The following RASAL2 variants were observed in gnomAD, a reference collection of about 807,000 sequenced individuals.
RASAL2 encodes the protein ras GTPase-activating protein nGAP.
A neutral mutation model predicts 128.9 loss-of-function variants in RASAL2; 58 were observed. That is an observed-to-expected ratio of 0.45 (90% CI 0.36 to 0.56). The LOEUF is 0.56. RASAL2 is among the 20% of genes least tolerant of loss of function. The pLI, the probability that RASAL2 is intolerant of heterozygous loss-of-function variation, is 0.00. For synonymous variants in RASAL2, 561 were observed against 580.8 expected, an observed-to-expected ratio of 0.97 and a Z score of 0.49; for missense variants, 1,360 against 1,601.6, an observed-to-expected ratio of 0.85 and a Z score of 2.57.
intron 4 of RASAL2, among the ~76,000 whole-genome samples, chr1:178,394,412 T>C (rs187591307): frequency 1.3e-4 from 20 of 152,346 alleles, no homozygotes; most frequent in Admixed American, 1.3e-3. Flanking sequence ...AATGATTATG[T>C]CTTGTAATTG....
chr1:178,375,904 A>G (rs1419611578), intron 3 of RASAL2, among the ~76,000 whole-genome samples: 1 of 152,170 alleles, frequency 6.6e-6, no homozygotes, highest in Non-Finnish European at 1.5e-5. Flanking sequence ...GTAATTGGAA[A>G]TGAAGTCACA....
chr1:178,303,667 A>G (rs1667866277), intron 3 of RASAL2, among the ~76,000 whole-genome samples: 1 of 152,132 alleles, frequency 6.6e-6, no homozygotes, highest in Non-Finnish European at 1.5e-5. Flanking sequence ...AATTCTGTCA[A>G]TCAGTACATC....
chr1:178,173,045 GTGTGGT>G (rs543829414), intron 1 of RASAL2, among the ~76,000 whole-genome samples: 2 of 152,228 alleles, frequency 1.3e-5, no homozygotes, highest in African/African-American at 4.8e-5. Context: ...CTATGTGCAT[GTGTGGT>G]TGGACGTTTG....
intron 3 of RASAL2, among the ~76,000 whole-genome samples, chr1:178,306,282 T>G (rs1459248726): frequency 1.3e-5 from 2 of 152,174 alleles, no homozygotes; most frequent in African/African-American, 2.4e-5. Context: ...CACATTTTCT[T>G]AATCCAGTCT....
At chr1:178,113,037 T>G (rs992877073) in intron 1 of RASAL2, among the ~76,000 whole-genome samples, 2 of 152,220 alleles carry the variant, frequency 1.3e-5, no homozygotes, top group African/African-American at 4.8e-5. Context: ...TATTTTTGTG[T>G]GTGGTAAAGA....
At chr1:178,187,484 A>C (rs1472163058) in intron 1 of RASAL2, among the ~76,000 whole-genome samples, 1 of 152,164 alleles carries the variant, frequency 6.6e-6, no homozygotes, top group Non-Finnish European at 1.5e-5. Context: ...CTGTCATTTC[A>C]GTAGGTATTG....
At chr1:178,195,574 A>G (rs892260695) in intron 1 of RASAL2, among the ~76,000 whole-genome samples, 4 of 152,168 alleles carry the variant, frequency 2.6e-5, no homozygotes, top group African/African-American at 9.7e-5. Flanking sequence ...TACCTCGTAG[A>G]GTGCTGTGAG....
At chr1:178,227,075 C>T (rs1663818077) in intron 1 of RASAL2, among the ~76,000 whole-genome samples, 1 of 152,168 alleles carries the variant, frequency 6.6e-6, no homozygotes, top group South Asian at 2.1e-4. Flanking sequence ...CATACCTGCC[C>T]ACCTGTGGTG....
intron 1 of RASAL2, among the ~76,000 whole-genome samples, chr1:178,145,048 GT>G (rs1660672011): frequency 6.6e-6 from 1 of 152,132 alleles, no homozygotes; most frequent in Non-Finnish European, 1.5e-5. Context: ...AATGAATGCT[GT>G]TGTTTTTTCA....
chr1:178,172,918 C>A (rs1661751887), intron 1 of RASAL2, among the ~76,000 whole-genome samples: 1 of 152,074 alleles, frequency 6.6e-6, no homozygotes. Context: ...CATCTATTTA[C>A]CTGGTAATTG....
At chr1:178,425,872 G>A (rs943068580) in intron 5 of RASAL2, among the ~76,000 whole-genome samples, 2 of 152,084 alleles carry the variant, frequency 1.3e-5, no homozygotes, top group Middle Eastern at 3.2e-3. Flanking sequence ...ATATATTGGT[G>A]GGCCCAATAA....
At chr1:178,210,107 T>A (rs2101983564) in intron 1 of RASAL2, among the ~76,000 whole-genome samples, 1 of 152,256 alleles carries the variant, frequency 6.6e-6, no homozygotes, top group Admixed American at 6.5e-5. Context: ...CATGTTTTTG[T>A]CTTTTCATGC....
chr1:178,160,517 C>T (rs1246482419), intron 1 of RASAL2, among the ~76,000 whole-genome samples: 1 of 152,118 alleles, frequency 6.6e-6, no homozygotes, highest in African/African-American at 2.4e-5. Context: ...TGTCTGTAAT[C>T]CCAGCTACTT....
chr1:178,371,011 A>G (rs529494248), intron 3 of RASAL2, among the ~76,000 whole-genome samples: 33 of 152,122 alleles, frequency 2.2e-4, no homozygotes, highest in Admixed American at 1.1e-3. Context: ...AAAAAGCTCT[A>G]TCTTTTATTA....
chr1:178,261,192 AT>A (rs1665677596), intron 1 of RASAL2, among the ~76,000 whole-genome samples: 1 of 152,200 alleles, frequency 6.6e-6, no homozygotes, highest in Non-Finnish European at 1.5e-5. Context: ...TGATTAAAAT[AT>A]TTATCTCCTA....
Position 178,471,818 on chromosome 1 carries a change from G to A in RASAL2, c.3679-1257G>A, listed in dbSNP as rs774840191. Among the ~76,000 whole-genome samples, 152 of 152,242 alleles carry A rather than the reference G, an allele frequency of 1.0e-3. 1 individual carries two copies. Among genetic ancestry groups the A allele is most frequent in the Admixed American group, 1.8e-3 (27 of 15,288 alleles). On this transcript the variant is annotated intron_variant, in intron 17 of 17. Coordinates refer to ENST00000367649, the MANE Select transcript of RASAL2 (RefSeq NM_170692.4). ...CCAGTAGCATGTGTCCCAAAGTGTA[G>A]CACTACATGACAGCCCTGGGTAGCT...
intron 1 of RASAL2, among the ~76,000 whole-genome samples, chr1:178,188,552 AT>A (rs1247572796): frequency 6.6e-6 from 1 of 152,176 alleles, no homozygotes; most frequent in Non-Finnish European, 1.5e-5. Context: ...TGGCAGTTTC[AT>A]TTTTAGTACG....
At chr1:178,443,307 A>T in intron 8 of RASAL2, 78 bp downstream of exon 8, 5 of 1,304,942 alleles carry the variant, frequency 3.8e-6, no homozygotes, top group Non-Finnish European at 5.2e-6. Context: ...TATTGTAGAA[A>T]TCCAAATTAG....
intron 1 of RASAL2, among the ~76,000 whole-genome samples, chr1:178,118,400 A>G (rs1659592820): frequency 6.6e-6 from 1 of 152,154 alleles, no homozygotes; most frequent in Non-Finnish European, 1.5e-5. Flanking sequence ...GAATCAGTGG[A>G]AGCCCTGAGC....
Sources: allele counts gnomAD v4.1 joint callset (sites outside exome capture counted in the v4.1 genomes callset), GRCh38; gene constraint gnomAD v4.1.1; transcripts MANE v1.5; gene names NCBI Gene and HGNC (gene_info 2026-07-23, HGNC 2026-07-21).